CCAR1: variants seen among roughly 807,000 people sequenced by gnomAD.
CCAR1 encodes the protein cell division cycle and apoptosis regulator 1, also known as cell division cycle and apoptosis regulator protein 1.
In CCAR1, 78 loss-of-function variants were observed where a neutral mutation model predicts 163.8. The observed-to-expected ratio is 0.48, with a 90% CI of 0.40 to 0.57. CCAR1 has a LOEUF of 0.57. Ranked by LOEUF, CCAR1 falls within the 20% of genes least tolerant of loss-of-function variation. The pLI is 0.00. For missense variants in CCAR1, 1,019 were observed against 1,365.2 expected (o/e 0.75, Z 4.00); for synonymous variants, 443 against 460.7 (o/e 0.96, Z 0.49).
In CCAR1 at chr10:68,791,245, G is replaced by A. The variant is rs1401826085; in HGVS notation, c.3432G>A (p.Lys1144=). 1 of 1,599,332 alleles carries A rather than the reference G, an allele frequency of 6.3e-7. No individual in the cohort carries two copies. ...ATGAAGACAAAGATCAAAAATCCAA[G>A]GAGAATGGTGCCAGTGTATGATAAA... ...VKNEDKDQKS[K]ENGASV is the part of the protein sequence containing the mutation. Residue 1144 remains lysine (K), a synonymous_variant, in exon 25 of 25, where the codon AAG becomes AAA. Transcript: ENST00000265872.
At chr10:68,774,911 A>G (rs991613712) in intron 19 of CCAR1, 12 of 380,404 alleles carry the variant, frequency 3.2e-5, no homozygotes, top group Non-Finnish European at 5.4e-5. Context: ...TTTTTCTGAT[A>G]TAGAAAATTA....
chr10:68,746,537 G>A (rs534445958), intron 6 of CCAR1, among the ~76,000 whole-genome samples: 1 of 152,156 alleles, frequency 6.6e-6, no homozygotes, highest in Non-Finnish European at 1.5e-5. Context: ...GATTACAGGC[G>A]TGAGCTACTG....
intron 19 of CCAR1, among the ~76,000 whole-genome samples, chr10:68,778,673 T>C (rs1267723426): frequency 6.6e-6 from 1 of 152,252 alleles, no homozygotes; most frequent in African/African-American, 2.4e-5. Context: ...TTTGTTAATA[T>C]ATATTCCAAG....
chr10:68,773,064 C>T lies in CCAR1; in HGVS notation c.2615C>T (p.Pro872Leu). ...EEDNNQDEYD[P>L]MEAEEAEDEE... is the part of the protein sequence containing the mutation. ...GATAACAATCAAGATGAATATGACC[C>T]TATGGAAGCAGAAGAAGCTGAGGAT... Residue 872 changes from proline to leucine, a missense_variant, in exon 19 of 25, where the codon CCT becomes CTT. Physicochemically the swap from Pro to Leu is moderately conservative, Grantham distance 98. This residue lies in a region of CCAR1 where 358 missense variants were observed against 406.4 expected (regional missense o/e 0.88). Coordinates refer to ENST00000265872, the MANE Select transcript of CCAR1 (RefSeq NM_018237.4). 1 of 1,558,634 alleles carries T rather than the reference C, an allele frequency of 6.4e-7. No homozygotes were observed. The highest frequency in any genetic ancestry group is 8.7e-7 in the Non-Finnish European group (1 of 1,146,776).
chr10:68,740,767 C>G, intron 5 of CCAR1, 106 bp downstream of exon 5: 2 of 834,058 alleles, frequency 2.4e-6, no homozygotes, highest in Non-Finnish European at 3.8e-6. Context: ...TTGTTAGATT[C>G]ACCTAATAAT....
chr10:68,735,035 CA>C (rs1201144994), intron 2 of CCAR1, among the ~76,000 whole-genome samples: 1 of 152,108 alleles, frequency 6.6e-6, no homozygotes, highest in Non-Finnish European at 1.5e-5. Flanking sequence ...TTTCTCAGTA[CA>C]GTAGTGTACA....
chr10:68,741,041 G>A (rs981941512), intron 5 of CCAR1, among the ~76,000 whole-genome samples: 9 of 152,030 alleles, frequency 5.9e-5, no homozygotes, highest in African/African-American at 2.2e-4. Flanking sequence ...AGCCTCCTGA[G>A]TAGCTGGGAT....
chr10:68,785,720 C>T (rs1345956569), intron 19 of CCAR1, among the ~76,000 whole-genome samples: 1 of 152,196 alleles, frequency 6.6e-6, no homozygotes, highest in Non-Finnish European at 1.5e-5. Context: ...TTATCACCCT[C>T]ATACCAAGAA....
chr10:68,727,722 G>A lies in CCAR1; in HGVS notation c.73+5145G>A, dbSNP rs1270362222. 3.9e-5 allele frequency among the ~76,000 whole-genome samples: 6 copies of A among 152,174 alleles called. No individual in the cohort carries two copies. The South Asian group carries it at 1.0e-3, about 26-fold the overall frequency. On this transcript the variant is annotated intron_variant, in intron 2 of 24. Transcript: ENST00000265872. ...AGAGCTTTTAGTTTTGAAAATTTCT[G>A]TTGTGTAAAGAGACGTTGAGAGAAA... is the stretch of plus-strand genomic sequence containing the variant.
chr10:68,749,241 T>C lies in CCAR1; in HGVS notation c.932T>C (p.Val311Ala). 6 of 1,610,214 alleles carry C rather than the reference T, an allele frequency of 3.7e-6. No individual in the cohort carries two copies. The highest frequency in any genetic ancestry group is 5.1e-6 in the Non-Finnish European group (6 of 1,179,132). Reference sequence around the variant, plus strand: ...GGAAGAAATGACAGAGGGGATCAAGTGCCTAACAGAAAAGATGATCGAAGG... The same window carrying C: ...GGAAGAAATGACAGAGGGGATCAAGCGCCTAACAGAAAAGATGATCGAAGG... ...FSGRNDRGDQ[V>A]PNRKDDRSRE... The change falls in exon 9 of 25, where the codon GTG (valine) becomes GCG (alanine). Residue 311 changes from valine (V) to alanine (A), a missense_variant. Physicochemically the swap from Val to Ala is moderately conservative, Grantham distance 64. Around this residue, in one of 4 missense-constraint regions of CCAR1, gnomAD observed 644 missense variants for 904.4 expected, o/e 0.71. Transcript: ENST00000265872.
chr10:68,747,536 C>G lies in CCAR1; in HGVS notation c.796C>G (p.Gln266Glu). 6.2e-7 allele frequency: 1 copy of G among 1,614,030 alleles called. No individual in the cohort carries two copies. The highest frequency in any genetic ancestry group is 8.5e-7 in the Non-Finnish European group (1 of 1,179,992). The change falls in exon 8 of 25, where the codon CAG becomes GAG. Residue 266 changes from glutamine (Q) to glutamate (E), a missense_variant. Physicochemically the swap from Gln to Glu is conservative, Grantham distance 29. Around this residue, in one of 4 missense-constraint regions of CCAR1, gnomAD observed 644 missense variants for 904.4 expected, o/e 0.71. Coordinates refer to ENST00000265872, the MANE Select transcript of CCAR1 (RefSeq NM_018237.4). ...TACACCACTATTGCAGACTCAACCACAGCCCTTATTACAGCAGCCTCAGCA... is the reference window on the plus strand; with the variant it reads ...TACACCACTATTGCAGACTCAACCAGAGCCCTTATTACAGCAGCCTCAGCA... ...SITPLLQTQP[Q>E]PLLQQPQQKA...
intron 2 of CCAR1, among the ~76,000 whole-genome samples, chr10:68,728,925 C>A (rs1450317538): frequency 6.6e-6 from 1 of 151,572 alleles, no homozygotes; most frequent in East Asian, 1.9e-4. Context: ...GCACTCCAAC[C>A]TGGGCGATAG....
intron 10 of CCAR1, 102 bp downstream of exon 10, chr10:68,749,787 A>G: frequency 9.8e-7 from 1 of 1,015,990 alleles, no homozygotes; most frequent in Non-Finnish European, 1.5e-6. Flanking sequence ...ATTTCCCGAC[A>G]GTTAGTGTTC....
rs1323996330 is a variant in CCAR1 at position 68,756,209 on chromosome 10, G to A, written c.1626-64G>A. The A allele has an allele frequency of 8.9e-6, 12 of 1,342,842 alleles. No homozygotes were observed. The highest frequency in any genetic ancestry group is 1.3e-5 in the Non-Finnish European group (12 of 949,384). 83.2% of individuals were successfully genotyped at this position (1,342,842 alleles called of 1,614,324 possible). ...TTTCTTTACTTGATGTGCTACAAGT[G>A]AACTAGGGTCTTTAAAATGTATTTT... On this transcript the variant is annotated intron_variant, in intron 13 of 24. Transcript: ENST00000265872. This position sits in a 1 kb window ranked among gnomAD's most constrained non-coding sequence, Gnocchi z 5.1.
chr10:68,756,708 T>C lies in CCAR1; in HGVS notation c.1836+225T>C. 1.6e-6 allele frequency: 1 copy of C among 614,026 alleles called. No homozygotes were observed. Among genetic ancestry groups the C allele is most frequent in the Non-Finnish European group, 3.0e-6 (1 of 336,472 alleles). 38.0% of individuals were successfully genotyped at this position (614,026 alleles called of 1,614,324 possible). A position where few individuals can be genotyped will look rare whatever the true frequency, so the allele number is the denominator to read the frequency against. On this transcript the variant is annotated intron_variant, in intron 14 of 24. Transcript: ENST00000265872. This position sits in a 1 kb window ranked among gnomAD's most constrained non-coding sequence, Gnocchi z 5.1. ...TGCTGAGACCTCAAAGGAAAATAAG[T>C]TGTGCTTAAATTGCACAGAATTTTG...
Position 68,771,421 on chromosome 10 carries a change from A to G in CCAR1, c.2514A>G (p.Lys838=). The part of the protein sequence containing the change: ...KRRKSGDDKD[K]KEDRDERKKE... ...GAAAATCAGGCGATGATAAAGATAA[A>G]AAAGAAGATAGAGATGAAAGGAAGG... Residue 838 remains lysine, a synonymous_variant, in exon 18 of 25, where the codon AAA becomes AAG. Coordinates refer to ENST00000265872, the MANE Select transcript of CCAR1 (RefSeq NM_018237.4). 1 of 1,583,666 alleles carries G rather than the reference A, an allele frequency of 6.3e-7. No homozygotes were observed. Among genetic ancestry groups the G allele is most frequent in the Non-Finnish European group, 8.6e-7 (1 of 1,168,648 alleles).
At chr10:68,773,938 G>T (rs545463138) in intron 19 of CCAR1, among the ~76,000 whole-genome samples, 5 of 151,786 alleles carry the variant, frequency 3.3e-5, no homozygotes, top group Non-Finnish European at 5.9e-5. Flanking sequence ...TGTTGCCCAG[G>T]CTGGAGTGCA....
chr10:68,749,471 A>C, intron 9 of CCAR1, 53 bp from the exon 10 acceptor site: 1 of 1,466,582 alleles, frequency 6.8e-7, no homozygotes, highest in Admixed American at 2.0e-5. Flanking sequence ...TTCATTGAAG[A>C]GCTTTTCCAT....
At chr10:68,763,794 G>A (rs888855544) in intron 16 of CCAR1, among the ~76,000 whole-genome samples, 3 of 152,138 alleles carry the variant, frequency 2.0e-5, no homozygotes, top group African/African-American at 7.2e-5. Context: ...GTTGGACGGT[G>A]GGAGTTCTTT....
Sources: allele counts gnomAD v4.1 joint callset (sites outside exome capture counted in the v4.1 genomes callset), GRCh38; gene constraint gnomAD v4.1.1; regional missense constraint gnomAD v4.1.1; non-coding constraint Gnocchi (gnomAD v3.1); transcripts MANE v1.5; gene names NCBI Gene and HGNC (gene_info 2026-07-23, HGNC 2026-07-21).